The following PTPRN2 variants were observed in gnomAD, a reference collection of about 807,000 sequenced individuals.
PTPRN2 encodes receptor-type tyrosine-protein phosphatase N2.
Under a neutral mutation model 118.8 loss-of-function variants are expected in PTPRN2, and 74 were observed. The observed-to-expected ratio is 0.62, with a 90% CI of 0.52 to 0.76. PTPRN2 has a LOEUF of 0.76. Among genes scored for constraint, PTPRN2 ranks in the 30% least tolerant of loss-of-function variants. The pLI, the probability that PTPRN2 is intolerant of heterozygous loss-of-function variation, is 0.00. For missense variants in PTPRN2, 1,481 were observed against 1,394.4 expected, an observed-to-expected ratio of 1.06 and a Z score of -0.99; for synonymous variants, 641 against 608.0, an observed-to-expected ratio of 1.05 and a Z score of -0.80.
At chr7:158,365,612 A>G (rs1286565349) in intron 2 of PTPRN2, among the ~76,000 whole-genome samples, 27 of 152,112 alleles carry the variant, frequency 1.8e-4, no homozygotes, top group Admixed American at 1.8e-3. Context: ...GCACACGCAC[A>G]CACACCCACA....
At chr7:157,997,768 C>T (rs532201312) in intron 11 of PTPRN2, among the ~76,000 whole-genome samples, 13 of 150,042 alleles carry the variant, frequency 8.7e-5, no homozygotes, top group African/African-American at 3.2e-4. Flanking sequence ...AGACCAGCCC[C>T]TGCACAGAGG....
intron 1 of PTPRN2, among the ~76,000 whole-genome samples, chr7:158,548,984 GGCC>G (rs1826468104): frequency 1.3e-5 from 2 of 152,190 alleles, no homozygotes; most frequent in African/African-American, 4.8e-5. Context: ...GCCAACGCCC[GGCC>G]CCCGCTTGAG....
rs1161116756 is a variant in PTPRN2 at position 157,611,498 on chromosome 7, C to T, written c.2345-7423G>A. ...CAGTCACTGAGCTGACTTGGAGGCA[C>T]CAGGTCCCAGGGTTGAGCTGCGTAC... On this transcript the variant is annotated intron_variant, in intron 15 of 22. Transcript: ENST00000389418. The surrounding 1 kb of genome is among the most constrained non-coding windows in gnomAD (Gnocchi z 5.9). Among the ~76,000 whole-genome samples, 1 of 152,092 alleles carries T rather than the reference C, an allele frequency of 6.6e-6. No homozygotes were observed. Among genetic ancestry groups the T allele is most frequent in the East Asian group, 1.9e-4 (1 of 5,176 alleles).
At chr7:158,099,001 C>T (rs1814930215) in intron 10 of PTPRN2, among the ~76,000 whole-genome samples, 1 of 25,912 alleles carries the variant, frequency 3.9e-5, no homozygotes. Flanking sequence ...CCTCCCCTTC[C>T]TCCCCCAACA....
chr7:157,820,953 C>T (rs189620808), intron 12 of PTPRN2, among the ~76,000 whole-genome samples: 27 of 152,266 alleles, frequency 1.8e-4, no homozygotes, highest in African/African-American at 6.3e-4. Flanking sequence ...GAGTGCACCC[C>T]GCAGCCTGGT....
intron 3 of PTPRN2, among the ~76,000 whole-genome samples, chr7:158,294,079 G>A (rs1344732926): frequency 6.6e-6 from 1 of 152,118 alleles, no homozygotes; most frequent in Non-Finnish European, 1.5e-5. Context: ...TGGGAGTGCA[G>A]TTGGCTCGTC....
At chr7:157,968,063 C>T (rs1010205753) in intron 11 of PTPRN2, among the ~76,000 whole-genome samples, 1 of 152,166 alleles carries the variant, frequency 6.6e-6, no homozygotes, top group Non-Finnish European at 1.5e-5. Context: ...TACCCAGTAC[C>T]ACCTAGCACT....
At chr7:158,457,438 G>A (rs374841509) in intron 2 of PTPRN2, among the ~76,000 whole-genome samples, 3 of 152,026 alleles carry the variant, frequency 2.0e-5, no homozygotes, top group Non-Finnish European at 4.4e-5. Context: ...GTGCTACCTC[G>A]GCCTGCGGGA....
rs191668503 is a variant in PTPRN2 at position 158,086,746 on chromosome 7, T to C, written c.1644-5369A>G. Among the ~76,000 whole-genome samples, 1,190 of 152,320 alleles carry C rather than the reference T, an allele frequency of 7.8e-3. 21 individuals carry two copies. Among genetic ancestry groups the C allele is most frequent in the African/African-American group, 0.027 (1,122 of 41,584 alleles). On this transcript the variant is annotated intron_variant, in intron 10 of 22. Coordinates refer to ENST00000389418, the MANE Select transcript of PTPRN2 (RefSeq NM_002847.5). ...TCAGGCAACCTGAACTTTATGGCTC[T>C]GTGTGTGTGCAGGAATGACTTTGGC...
At position 158,143,100 on chromosome 7, in the gene PTPRN2, C is replaced by T. The variant is rs571752763; in HGVS notation, c.911-4585G>A. The stretch of plus-strand genomic sequence containing the variant: ...CACCACAGATCTTTTTCTTTCCCAG[C>T]GATTATCATCGCGACAGTCTTATCT... On this transcript the variant is annotated intron_variant, in intron 6 of 22. Coordinates refer to ENST00000389418, the MANE Select transcript of PTPRN2 (RefSeq NM_002847.5). Among the ~76,000 whole-genome samples, 258 of 152,228 alleles carry T rather than the reference C, an allele frequency of 1.7e-3. 1 individual carries two copies. Among genetic ancestry groups the T allele is most frequent in the Admixed American group, 4.3e-3 (65 of 15,288 alleles).
At position 157,609,347 on chromosome 7, in the gene PTPRN2, C is replaced by T. The variant is rs985547498; in HGVS notation, c.2345-5272G>A. On this transcript the variant is annotated intron_variant, in intron 15 of 22. Transcript: ENST00000389418. This position sits in a 1 kb window ranked among gnomAD's most constrained non-coding sequence, Gnocchi z 4.9. ...GCAGTGAGCTGAGACTGTGCCATTG[C>T]ACTCCAGCCTGGACAACAAGAGTGA... is the stretch of plus-strand genomic sequence containing the variant. Among the ~76,000 whole-genome samples the T allele has an allele frequency of 2.0e-4, 30 of 152,108 alleles. No individual in the cohort carries two copies. The highest frequency in any genetic ancestry group is 7.2e-4 in the African/African-American group (30 of 41,420).
intron 6 of PTPRN2, among the ~76,000 whole-genome samples, chr7:158,166,424 C>CTGT (rs1822996495): frequency 6.0e-5 from 4 of 66,172 alleles, no homozygotes; most frequent in Admixed American, 2.2e-4. Flanking sequence ...CCGGGTGCCG[C>CTGT]GTTCCCTGTC....
At chr7:158,080,071 C>T (rs933877188) in intron 11 of PTPRN2, among the ~76,000 whole-genome samples, 2 of 152,014 alleles carry the variant, frequency 1.3e-5, no homozygotes, top group Non-Finnish European at 2.9e-5. Flanking sequence ...ACTGAGGGCA[C>T]GAGGATATCC....
At chr7:157,873,177 T>C (rs561221783) in intron 12 of PTPRN2, among the ~76,000 whole-genome samples, 449 of 152,350 alleles carry the variant, frequency 2.9e-3, no homozygotes, top group Non-Finnish European at 5.4e-3. Context: ...GAAGTCCTGC[T>C]TCCTCGCTGC....
intron 12 of PTPRN2, among the ~76,000 whole-genome samples, chr7:157,692,956 A>G (rs1797587201): frequency 6.6e-6 from 1 of 151,914 alleles, no homozygotes; most frequent in Non-Finnish European, 1.5e-5. Flanking sequence ...GTCGAGTGGT[A>G]GCGGTTCCTG....
intron 2 of PTPRN2, among the ~76,000 whole-genome samples, chr7:158,348,600 G>T (rs1807711074): frequency 6.6e-6 from 1 of 152,148 alleles, no homozygotes; most frequent in Admixed American, 6.5e-5. Context: ...GTGCTGAGCT[G>T]GGCCAGGCCC....
chr7:158,461,635 T>C (rs1304167920), intron 2 of PTPRN2, among the ~76,000 whole-genome samples: 3 of 152,228 alleles, frequency 2.0e-5, no homozygotes, highest in Non-Finnish European at 4.4e-5. Context: ...AAATTCATTC[T>C]GTAGCCTCGG....
intron 13 of PTPRN2, among the ~76,000 whole-genome samples, chr7:157,667,009 G>A (rs968024621): frequency 4.9e-5 from 6 of 123,526 alleles, no homozygotes; most frequent in East Asian, 2.4e-4. Flanking sequence ...TGTGTGCAAT[G>A]AGTACACAGC....
chr7:157,752,820 C>G (rs1489939161), intron 12 of PTPRN2, among the ~76,000 whole-genome samples: 1 of 152,270 alleles, frequency 6.6e-6, no homozygotes, highest in African/African-American at 2.4e-5. Context: ...AGCTCCATCT[C>G]AGGGATGGCG....
Sources: allele counts gnomAD v4.1 joint callset (sites outside exome capture counted in the v4.1 genomes callset), GRCh38; gene constraint gnomAD v4.1.1; non-coding constraint Gnocchi (gnomAD v3.1); transcripts MANE v1.5; gene names NCBI Gene and HGNC (gene_info 2026-07-23, HGNC 2026-07-21).